Variants in GABPA observed in about 807,000 individuals in gnomAD.
The protein encoded by GABPA is GA-binding protein alpha chain.
Under a neutral mutation model 59.4 loss-of-function variants are expected in GABPA, and 4 were observed. The ratio of observed to expected loss-of-function variants is 0.07; its 90% CI spans 0.03 to 0.15. The LOEUF is 0.15. GABPA is among the 10% of genes least tolerant of loss of function. The probability of loss-of-function intolerance (pLI) is 1.00; values close to 1 mark genes in which losing one functional copy is unlikely to be tolerated. For synonymous variants in GABPA, 164 were observed against 183.1 expected, an observed-to-expected ratio of 0.90 and a Z score of 0.84; for missense variants, 251 against 543.8, an observed-to-expected ratio of 0.46 and a Z score of 5.36.
chr21:25,750,817 C>G (rs564156703), intron 4 of GABPA, among the ~76,000 whole-genome samples: 3 of 151,940 alleles, frequency 2.0e-5, no homozygotes, highest in African/African-American at 7.3e-5. Flanking sequence ...AAGAAGAGTT[C>G]GCTTAAAGCC....
At chr21:25,767,894 C>CA (rs2035930533) in intron 9 of GABPA, among the ~76,000 whole-genome samples, 1 of 152,094 alleles carries the variant, frequency 6.6e-6, no homozygotes, top group South Asian at 2.1e-4. Flanking sequence ...TCAGTCCTTT[C>CA]ATTAATAGAC....
chr21:25,739,884 T>A (rs1166264680), intron 1 of GABPA, among the ~76,000 whole-genome samples: 3 of 152,180 alleles, frequency 2.0e-5, no homozygotes, highest in African/African-American at 7.2e-5. Flanking sequence ...TCCCAGAGTA[T>A]TAGGATTACA....
chr21:25,744,789 C>CT (rs1046795642), intron 2 of GABPA, among the ~76,000 whole-genome samples: 17 of 150,992 alleles, frequency 1.1e-4, no homozygotes, highest in African/African-American at 2.2e-4. Flanking sequence ...TTATATCTTT[C>CT]TTTTTTTTTA....
At position 25,771,231 on chromosome 21, in the gene GABPA, G is replaced by T. The variant is rs1382658858; in HGVS notation, c.*1999G>T. ...AGACATATATTAAAATTTTAGCCAA[G>T]ATGATAGACATGTCTCAATTATATA... is the stretch of plus-strand genomic sequence containing the variant. On this transcript the variant is annotated 3_prime_UTR_variant, in exon 10 of 10. Coordinates refer to ENST00000400075, the MANE Select transcript of GABPA (RefSeq NM_002040.4). 1 of 151,962 alleles carries T rather than the reference G, an allele frequency of 6.6e-6. No homozygotes were observed. The highest frequency in any genetic ancestry group is 1.5e-5 in the Non-Finnish European group (1 of 67,872). 9.4% of individuals were successfully genotyped at this position (151,962 alleles called of 1,614,324 possible). A position where few individuals can be genotyped will look rare whatever the true frequency, so the allele number is the denominator to read the frequency against.
At position 25,749,130 on chromosome 21, in the gene GABPA, T is replaced by A; in HGVS notation, c.307+10T>A. ...GTAATTTCTTACCAAGGTAAGTTAC[T>A]TTTCATGATAGTTATTTAAAATTTT... is the stretch of plus-strand genomic sequence containing the variant. On this transcript the variant is annotated intron_variant, in intron 4 of 9. Transcript: ENST00000400075. 6.8e-7 allele frequency: 1 copy of A among 1,462,060 alleles called. No homozygotes were observed. Among genetic ancestry groups the A allele is most frequent in the Non-Finnish European group, 9.5e-7 (1 of 1,054,704 alleles). 90.6% of individuals were successfully genotyped at this position (1,462,060 alleles called of 1,614,324 possible).
intron 2 of GABPA, among the ~76,000 whole-genome samples, chr21:25,744,070 A>AT (rs5843170): frequency 0.29 from 41,723 of 145,238 alleles, 7,989 homozygotes; most frequent in African/African-American, 0.54. Context: ...AAAACCTACC[A>AT]GGCTATAGCT....
chr21:25,751,846 A>T (rs941803794), intron 4 of GABPA, 143 bp from the exon 5 acceptor site: 21 of 759,214 alleles, frequency 2.8e-5, no homozygotes, highest in Non-Finnish European at 4.4e-5. Context: ...CTTCACCCAG[A>T]TTCCCCAAAT....
At chr21:25,760,429 C>T (rs1480077686) in intron 6 of GABPA, among the ~76,000 whole-genome samples, 13 of 152,088 alleles carry the variant, frequency 8.5e-5, no homozygotes, top group Admixed American at 7.9e-4. Flanking sequence ...AGTGATCTCT[C>T]AAGAAGCAGC....
Position 25,735,017 on chromosome 21 carries a change from G to C in GABPA, c.-588G>C, listed in dbSNP as rs1246368047. On this transcript the variant is annotated 5_prime_UTR_variant, in exon 1 of 10. Coordinates refer to ENST00000400075, the MANE Select transcript of GABPA (RefSeq NM_002040.4). ...ACAGGAAGCGTCTCGGAGACAGTCTGCGACCGGACGGGTCTAGGTGAGACA... is the reference window on the plus strand; with the variant it reads ...ACAGGAAGCGTCTCGGAGACAGTCTCCGACCGGACGGGTCTAGGTGAGACA... 2 of 1,523,754 alleles carry C rather than the reference G, an allele frequency of 1.3e-6. No individual in the cohort carries two copies. Among genetic ancestry groups the C allele is most frequent in the Non-Finnish European group, 8.9e-7 (1 of 1,127,952 alleles). The allele number at this position is 1,523,754 out of a possible 1,614,324, so 94.4% of individuals were successfully genotyped here. A position where few individuals can be genotyped will look rare whatever the true frequency, so the allele number is the denominator to read the frequency against.
intron 2 of GABPA, among the ~76,000 whole-genome samples, chr21:25,742,093 T>C (rs1183199770): frequency 1.3e-5 from 2 of 152,238 alleles, no homozygotes; most frequent in Non-Finnish European, 2.9e-5. Context: ...AAAGGCCACG[T>C]TGTATTTGAG....
intron 6 of GABPA, among the ~76,000 whole-genome samples, chr21:25,761,881 C>T (rs2035772992): frequency 6.6e-6 from 1 of 152,070 alleles, no homozygotes; most frequent in Non-Finnish European, 1.5e-5. Context: ...CAGCTTTAGT[C>T]AAAAGTGGAT....
In GABPA at chr21:25,741,579, T is replaced by C. The variant is rs2035222622; in HGVS notation, c.-20T>C. ...TAAAAAGTCACTCTTGCAGGACTGA[T>C]CCTTTGAAATACTCCAGCCATGACT... is the stretch of plus-strand genomic sequence containing the variant. On this transcript the variant is annotated 5_prime_UTR_variant, in exon 2 of 10. Transcript: ENST00000400075. The C allele has an allele frequency of 1.3e-6, 2 of 1,542,560 alleles. No homozygotes were observed. Among genetic ancestry groups the C allele is most frequent in the Non-Finnish European group, 1.8e-6 (2 of 1,126,046 alleles).
chr21:25,753,392 G>A (rs1187505424), intron 5 of GABPA, among the ~76,000 whole-genome samples: 2 of 152,116 alleles, frequency 1.3e-5, no homozygotes, highest in African/African-American at 4.8e-5. Flanking sequence ...AGTCCCTGAT[G>A]GAAAGCGAGA....
At position 25,745,359 on chromosome 21, in the gene GABPA, T is replaced by G; in HGVS notation, c.222+5T>G. On this transcript the variant is annotated splice_donor_5th_base_variant and intron_variant, in intron 3 of 9. Transcript: ENST00000400075. ...ATTTGTCTGCAAGATATCCAGGTAATTTTTATTTTTGTAAATTTCTATTGC... is the reference window on the plus strand; with the variant it reads ...ATTTGTCTGCAAGATATCCAGGTAAGTTTTATTTTTGTAAATTTCTATTGC... 1 of 1,609,686 alleles carries G rather than the reference T, an allele frequency of 6.2e-7. No homozygotes were observed. Among genetic ancestry groups the G allele is most frequent in the Non-Finnish European group, 8.5e-7 (1 of 1,178,674 alleles).
At chr21:25,735,865 G>A (rs1271509370) in intron 1 of GABPA, among the ~76,000 whole-genome samples, 3 of 152,006 alleles carry the variant, frequency 2.0e-5, no homozygotes, top group Non-Finnish European at 4.4e-5. Flanking sequence ...GCCTGTCGCC[G>A]CTCCCTCCTT....
intron 5 of GABPA, among the ~76,000 whole-genome samples, chr21:25,756,564 C>T (rs2035642438): frequency 6.6e-6 from 1 of 152,188 alleles, no homozygotes; most frequent in African/African-American, 2.4e-5. Context: ...TTTAGCGTTG[C>T]TTTCATCTTG....
chr21:25,758,131 C>G lies in GABPA; in HGVS notation c.675C>G (p.Leu225=), dbSNP rs979089135. ...TTTCGGGGAGAGAATTATGTAGTCT[C>G]AACCAAGAAGATTTTTTTCAGCGGG... is the stretch of plus-strand genomic sequence containing the variant. ...LNISGRELCS[L]NQEDFFQRVP... is the part of the protein sequence containing the mutation. Residue 225 remains leucine, a synonymous_variant, in exon 6 of 10, where the codon CTC becomes CTG. Coordinates refer to ENST00000400075, the MANE Select transcript of GABPA (RefSeq NM_002040.4). 8 of 1,610,954 alleles carry G rather than the reference C, an allele frequency of 5.0e-6. No homozygotes were observed. Among genetic ancestry groups the G allele is most frequent in the Non-Finnish European group, 2.5e-6 (3 of 1,178,822 alleles).
chr21:25,760,211 G>T lies in GABPA; in HGVS notation c.748+2007G>T, dbSNP rs562303217. ...CTTTGGAAATCTAGTGCTCAGTTCA[G>T]AATTGGGAGATGGGCAGGATGATGT... is the stretch of plus-strand genomic sequence containing the variant. On this transcript the variant is annotated intron_variant, in intron 6 of 9. Coordinates refer to ENST00000400075, the MANE Select transcript of GABPA (RefSeq NM_002040.4). Among the ~76,000 whole-genome samples the T allele has an allele frequency of 3.9e-5, 6 of 152,294 alleles. No homozygotes were observed. The South Asian group carries it at 1.2e-3, about 32-fold the overall frequency.
chr21:25,736,639 C>G (rs2035072691), intron 1 of GABPA, among the ~76,000 whole-genome samples: 1 of 152,192 alleles, frequency 6.6e-6, no homozygotes, highest in South Asian at 2.1e-4. Context: ...AGCAAATCAT[C>G]AGACCGAGTA....
Sources: gnomAD v4.1 joint callset for allele counts (sites outside exome capture counted in the v4.1 genomes callset) on GRCh38, gnomAD v4.1.1 for gene constraint, MANE v1.5 for transcripts, NCBI Gene and HGNC (gene_info 2026-07-23, HGNC 2026-07-21) for gene names.